Variants in MSMO1 observed in about 807,000 individuals in gnomAD.
MSMO1 encodes the protein C-4 methylsterol oxidase.
Under a neutral mutation model 30.4 loss-of-function variants are expected in MSMO1, and 18 were observed. That is an observed-to-expected ratio of 0.59 (90% CI 0.41 to 0.88). The LOEUF (loss-of-function observed/expected upper bound fraction) is 0.88, where lower values mean the gene tolerates loss of function less well. Among genes scored for constraint, MSMO1 ranks in the 40% least tolerant of loss-of-function variants. MSMO1 has a pLI of 0.00. For synonymous variants in MSMO1, 84 were observed against 107.9 expected (o/e 0.78, Z 1.37); for missense variants, 284 against 340.5 (o/e 0.83, Z 1.31).
chr4:165,339,121 T>TTTTTTTTTTA (rs869039733), intron 4 of MSMO1, among the ~76,000 whole-genome samples: 3 of 146,876 alleles, frequency 2.0e-5, no homozygotes, highest in Non-Finnish European at 3.0e-5. Flanking sequence ...TTTTTTTTTT[T>TTTTTTTTTTA]GAGATAGAGT....
rs79537834 is a variant in MSMO1, at chr4:165,330,837, G to A, written c.-31-2503G>A. ...ACTCCTGACCTTAGGTGATCTGCCC[G>A]CATCAGCCTCCCCAAGGTGCTGGGA... On this transcript the variant is annotated intron_variant, in intron 1 of 5. Coordinates refer to ENST00000261507, the MANE Select transcript of MSMO1 (RefSeq NM_006745.5). Among the ~76,000 whole-genome samples the A allele has an allele frequency of 7.7e-3, 1,179 of 152,250 alleles. 15 individuals are homozygous for A. Among genetic ancestry groups the A allele is most frequent in the African/African-American group, 0.027 (1,108 of 41,526 alleles).
At chr4:165,338,049 A>G (rs1001454646) in intron 3 of MSMO1, 112 bp downstream of exon 3, 3 of 998,348 alleles carry the variant, frequency 3.0e-6, no homozygotes, top group Non-Finnish European at 4.6e-6. Context: ...TAAACTTTGG[A>G]AGTAAATAAA....
At chr4:165,330,248 C>G (rs143986117) in intron 1 of MSMO1, among the ~76,000 whole-genome samples, 6 of 152,310 alleles carry the variant, frequency 3.9e-5, no homozygotes, top group African/African-American at 1.4e-4. Context: ...GTTATTTTAT[C>G]TATAAAATGG....
At chr4:165,329,574 CA>C (rs373961662) in intron 1 of MSMO1, among the ~76,000 whole-genome samples, 21,356 of 89,316 alleles carry the variant, frequency 0.24, 2,210 homozygotes, top group African/African-American at 0.36. Context: ...AAATAAACTC[CA>C]AAAAAAAAAA....
intron 1 of MSMO1, among the ~76,000 whole-genome samples, chr4:165,329,175 A>G (rs1202689227): frequency 6.6e-6 from 1 of 152,090 alleles, no homozygotes; most frequent in East Asian, 1.9e-4. Context: ...TCCAGCTTCA[A>G]TTCTCATATT....
chr4:165,330,163 C>T (rs1410530815), intron 1 of MSMO1, among the ~76,000 whole-genome samples: 1 of 152,212 alleles, frequency 6.6e-6, no homozygotes, highest in African/African-American at 2.4e-5. Context: ...GGCTTCCCCA[C>T]TTAGCATTTG....
intron 2 of MSMO1, among the ~76,000 whole-genome samples, chr4:165,336,407 T>C (rs1466069418): frequency 6.6e-6 from 1 of 152,036 alleles, no homozygotes; most frequent in Non-Finnish European, 1.5e-5. Flanking sequence ...TTGCACTAGG[T>C]ATGAATTTGT....
At chr4:165,339,865 T>C (rs1166436937) in intron 4 of MSMO1, among the ~76,000 whole-genome samples, 2 of 152,202 alleles carry the variant, frequency 1.3e-5, no homozygotes, top group South Asian at 4.1e-4. Context: ...GGCTACAGAC[T>C]AGAAATCCAG....
At chr4:165,341,718 A>T in intron 5 of MSMO1, 33 bp from the exon 6 acceptor site, 5 of 1,525,882 alleles carry the variant, frequency 3.3e-6, no homozygotes, top group Non-Finnish European at 4.5e-6. Context: ...AGATGTATTT[A>T]TTCCTTAATA....
rs1380275755 is a variant in MSMO1, at chr4:165,343,092, A to G, written c.*1146A>G. ...GTGATTATCTGGTTTCCAGTTTTAAACATTAACTGTCACCTTTTATTCTTA... is the reference window on the plus strand; with the variant it reads ...GTGATTATCTGGTTTCCAGTTTTAAGCATTAACTGTCACCTTTTATTCTTA... On this transcript the variant is annotated 3_prime_UTR_variant, in exon 6 of 6. Transcript: ENST00000261507. The G allele has an allele frequency of 6.6e-6, 1 of 152,526 alleles. No individual in the cohort carries two copies. Among genetic ancestry groups the G allele is most frequent in the East Asian group, 1.9e-4 (1 of 5,194 alleles). 9.4% of individuals were successfully genotyped at this position (152,526 alleles called of 1,614,324 possible).
chr4:165,331,041 C>G (rs1310160798), intron 1 of MSMO1, among the ~76,000 whole-genome samples: 1 of 152,158 alleles, frequency 6.6e-6, no homozygotes, highest in African/African-American at 2.4e-5. Flanking sequence ...CAGTGGCTCA[C>G]ACCTATAATC....
chr4:165,337,789 G>C lies in MSMO1; in HGVS notation c.256G>C (p.Asp86His), dbSNP rs770480371. The C allele has an allele frequency of 1.2e-6, 2 of 1,613,398 alleles. No homozygotes were observed. Among genetic ancestry groups the C allele is most frequent in the African/African-American group, 2.7e-5 (2 of 74,910 alleles). ...TAGATATTGTGATTTTTCTTCGTAGGATAAGCCAGAGACATGGGAAAACCA... is the reference window on the plus strand; with the variant it reads ...TAGATATTGTGATTTTTCTTCGTAGCATAAGCCAGAGACATGGGAAAACCA... ...PYMKKYKIQK[D>H]KPETWENQWK... Residue 86 changes from aspartate (D) to histidine (H), a missense_variant and splice_region_variant, in exon 3 of 6, where the codon GAT becomes CAT. Asp to His is a moderately conservative substitution (Grantham distance 81, BLOSUM62 -1). Transcript: ENST00000261507.
chr4:165,337,990 GT>G, intron 3 of MSMO1, 53 bp downstream of exon 3: 2 of 1,520,852 alleles, frequency 1.3e-6, no homozygotes, highest in Non-Finnish European at 1.8e-6. Context: ...ATTCAGTTAA[GT>G]TATACTTAAT....
intron 1 of MSMO1, among the ~76,000 whole-genome samples, chr4:165,331,398 G>C (rs574328678): frequency 1.3e-5 from 2 of 152,324 alleles, no homozygotes; most frequent in Admixed American, 1.3e-4. Context: ...GATGGGAAAG[G>C]ATAAGTGATG....
intron 3 of MSMO1, among the ~76,000 whole-genome samples, chr4:165,338,414 T>C (rs375627785): frequency 6.6e-6 from 1 of 151,864 alleles, no homozygotes; most frequent in Admixed American, 6.6e-5. Context: ...TGAGGCAAGT[T>C]GTGTGAACAT....
chr4:165,328,408 C>T (rs1747297243), intron 1 of MSMO1, among the ~76,000 whole-genome samples: 1 of 152,118 alleles, frequency 6.6e-6, no homozygotes, highest in Non-Finnish European at 1.5e-5. Context: ...CAAGCACTCC[C>T]TTGAACTTTG....
At chr4:165,337,432 A>C (rs533685072) in intron 2 of MSMO1, among the ~76,000 whole-genome samples, 23 of 152,334 alleles carry the variant, frequency 1.5e-4, no homozygotes, top group African/African-American at 5.3e-4. Context: ...CAACTTCTTC[A>C]ATTGTGGACA....
At chr4:165,330,134 T>C (rs889671312) in intron 1 of MSMO1, among the ~76,000 whole-genome samples, 1 of 152,246 alleles carries the variant, frequency 6.6e-6, no homozygotes, top group African/African-American at 2.4e-5. Flanking sequence ...TATAGTGTAA[T>C]ATAATGGATG....
Position 165,337,874 on chromosome 4 carries a change from G to A in MSMO1, c.341G>A (p.Cys114Tyr), listed in dbSNP as rs767379586. ...NHFCIQLPLI[C>Y]GTYYFTEYFN... ...TTCTGTATCCAGCTGCCTTTGATTT[G>A]TGGAACCTATTATTTTACAGAGTAT... Residue 114 changes from cysteine (C) to tyrosine (Y), a missense_variant, in exon 3 of 6, where the codon TGT becomes TAT. By Grantham distance (194) the Cys-to-Tyr change is radical (BLOSUM62 -2). Coordinates refer to ENST00000261507, the MANE Select transcript of MSMO1 (RefSeq NM_006745.5). 4 of 1,613,116 alleles carry A rather than the reference G, an allele frequency of 2.5e-6. No homozygotes were observed. The highest frequency in any genetic ancestry group is 3.4e-6 in the Non-Finnish European group (4 of 1,179,290).
Sources: gnomAD v4.1 joint callset for allele counts (sites outside exome capture counted in the v4.1 genomes callset) on GRCh38, gnomAD v4.1.1 for gene constraint, MANE v1.5 for transcripts, NCBI Gene and HGNC (gene_info 2026-07-23, HGNC 2026-07-21) for gene names.